Variants in IL17REL observed in about 807,000 individuals in gnomAD.
The protein encoded by IL17REL is interleukin-17 receptor E-like protein.
Under a neutral mutation model 49.0 loss-of-function variants are expected in IL17REL, and 36 were observed. That is an observed-to-expected ratio of 0.73 (90% CI 0.56 to 0.97). The LOEUF is 0.97. IL17REL is among the 50% of genes least tolerant of loss of function. The pLI is 0.00. For missense variants in IL17REL, 470 were observed against 453.9 expected (o/e 1.04, Z -0.32); for synonymous variants, 206 against 192.4 (o/e 1.07, Z -0.58).
At chr22:50,002,026 G>T (rs1373785563) in intron 1 of IL17REL, among the ~76,000 whole-genome samples, 6 of 152,236 alleles carry the variant, frequency 3.9e-5, no homozygotes, top group Non-Finnish European at 8.8e-5. Context: ...GGGTAACTGG[G>T]GGTGAAGGGA....
At chr22:50,000,648 G>A (rs934348789) in intron 3 of IL17REL, 56 bp from the exon 5 acceptor site, 25 of 1,558,130 alleles carry the variant, frequency 1.6e-5, no homozygotes, top group South Asian at 1.1e-5. Flanking sequence ...CACCCCACCC[G>A]GCCAGCTCCA....
At chr22:50,011,370 C>T (rs1219115658), upstream of IL17REL, among the ~76,000 whole-genome samples, 1 of 151,956 alleles carries the variant, frequency 6.6e-6, no homozygotes, top group Non-Finnish European at 1.5e-5. Flanking sequence ...ATCACCTGGC[C>T]GTCCTAGCGT....
chr22:50,006,629 G>T (rs75123797), intron 1 of IL17REL, among the ~76,000 whole-genome samples: 3 of 152,206 alleles, frequency 2.0e-5, no homozygotes, highest in East Asian at 1.9e-4. Context: ...AAACCACCAC[G>T]ACAGAATTAA....
chr22:50,002,971 A>G (rs997618375), intron 1 of IL17REL, among the ~76,000 whole-genome samples: 1 of 152,226 alleles, frequency 6.6e-6, no homozygotes, highest in Admixed American at 6.5e-5. Flanking sequence ...AAACGGCCAC[A>G]GTGAGCTCTG....
chr22:50,000,996 G>T, intron 2 of IL17REL, 86 bp downstream of exon 3: 1 of 1,290,232 alleles, frequency 7.8e-7, no homozygotes, highest in Non-Finnish European at 1.1e-6. Flanking sequence ...TCACCAGGCC[G>T]CCCAAGGTTT....
exon 11 of IL17REL, chr22:49,997,386 G>A: frequency 6.2e-7 from 1 of 1,613,872 alleles, no homozygotes; most frequent in Non-Finnish European, 8.5e-7. Flanking sequence ...ACTTCCTCCT[G>A]TGACACAGGT....
At chr22:50,007,560 A>G (rs1015596701) in intron 1 of IL17REL, among the ~76,000 whole-genome samples, 6 of 151,686 alleles carry the variant, frequency 4.0e-5, no homozygotes, top group African/African-American at 1.5e-4. Flanking sequence ...GGGGATTCTT[A>G]GTACAGACAG....
At chr22:50,004,969 G>GT (rs1455063992) in intron 1 of IL17REL, among the ~76,000 whole-genome samples, 47 of 65,256 alleles carry the variant, frequency 7.2e-4, no homozygotes, top group Non-Finnish European at 8.8e-4. Context: ...AAACCAGAAA[G>GT]TAAAAAAAAA....
chr22:50,006,720 G>A (rs543551827), intron 1 of IL17REL, among the ~76,000 whole-genome samples: 8 of 152,178 alleles, frequency 5.3e-5, no homozygotes, highest in South Asian at 4.1e-4. Flanking sequence ...TTGGGAGGCC[G>A]AGGCGGGCGG....
At chr22:49,998,581 G>A (rs1310594999) in intron 7 of IL17REL, among the ~76,000 whole-genome samples, 1 of 151,486 alleles carries the variant, frequency 6.6e-6, no homozygotes, top group Non-Finnish European at 1.5e-5. Flanking sequence ...CTGTGCATGG[G>A]TGTGTGTATG....
chr22:49,994,344 C>G (rs926947017), downstream of IL17REL, among the ~76,000 whole-genome samples: 3 of 152,066 alleles, frequency 2.0e-5, no homozygotes, highest in Non-Finnish European at 4.4e-5. Flanking sequence ...CCCAGAGACC[C>G]GGCACCTCCC....
intron 3 of IL17REL, 52 bp from the exon 5 acceptor site, chr22:50,000,644 AC>A: frequency 6.4e-7 from 1 of 1,565,768 alleles, no homozygotes; most frequent in Non-Finnish European, 8.8e-7. Context: ...TGCCCACCCC[AC>A]CCGGCCAGCT....
In IL17REL at chr22:49,997,335, CG is replaced by C; in HGVS notation, c.958del (p.Arg320AlafsTer7). 6 of 1,613,476 alleles carry C rather than the reference CG, an allele frequency of 3.7e-6. No individual in the cohort carries two copies. The highest frequency in any genetic ancestry group is 5.1e-6 in the Non-Finnish European group (6 of 1,179,824). ...CTCGGCTCACTGAGGCTGAAGGGAG[CG>C]GGCTGGCCTGGAGTGTGCGTTGGCA... On this transcript the variant is annotated frameshift_variant, in exon 11 of 13. Transcript: ENST00000341280. LOFTEE classifies it high-confidence loss of function.
At chr22:50,000,057 C>G in intron 4 of IL17REL, 90 bp from the exon 7 acceptor site, 1 of 1,351,982 alleles carries the variant, frequency 7.4e-7, no homozygotes, top group Non-Finnish European at 9.6e-7. Flanking sequence ...CGTGGTGGCT[C>G]CTGCTGGGTT....
intron 11 of IL17REL, 46 bp from the exon 14 acceptor site, chr22:49,997,120 T>A: frequency 6.5e-7 from 1 of 1,541,130 alleles, no homozygotes; most frequent in Non-Finnish European, 8.8e-7. Flanking sequence ...GAAGGGTGGA[T>A]CAGGCTAAAC....
chr22:49,996,121 G>A (rs1018631380), exon 13 of IL17REL: 1 of 152,308 alleles, frequency 6.6e-6, no homozygotes, highest in African/African-American at 2.4e-5. Flanking sequence ...CCCTGAAATG[G>A]CTGTGGCTCA....
chr22:49,997,966 C>T, intron 9 of IL17REL, 59 bp downstream of exon 11: 1 of 1,582,708 alleles, frequency 6.3e-7, no homozygotes, highest in Non-Finnish European at 8.6e-7. Context: ...CACTCCCCGC[C>T]CTGATGCCCC....
At chr22:49,994,901 A>G (rs974575364) in exon 13 of IL17REL, 2 of 152,390 alleles carry the variant, frequency 1.3e-5, no homozygotes, top group African/African-American at 4.8e-5. Flanking sequence ...TGGATGTGCC[A>G]CTTGGAATGT....
At chr22:49,998,698 G>GGT (rs1210052376) in intron 7 of IL17REL, among the ~76,000 whole-genome samples, 2 of 149,566 alleles carry the variant, frequency 1.3e-5, no homozygotes, top group Non-Finnish European at 3.0e-5. Context: ...CCTGTGCATG[G>GGT]GTGTGTGTGC....
Sources: allele counts gnomAD v4.1 joint callset (sites outside exome capture counted in the v4.1 genomes callset), GRCh38; gene constraint gnomAD v4.1.1; transcripts MANE v1.5; gene names NCBI Gene and HGNC (gene_info 2026-07-23, HGNC 2026-07-21).